Variants in DOLPP1 observed in about 807,000 individuals in gnomAD.
The protein encoded by DOLPP1 is dolichyldiphosphatase 1.
In DOLPP1, 15 loss-of-function variants were observed where a neutral mutation model predicts 34.1. The observed-to-expected ratio is 0.44, with a 90% CI of 0.29 to 0.68. DOLPP1 has a LOEUF of 0.68. DOLPP1 is among the 30% of genes least tolerant of loss of function. The pLI is 0.12. For synonymous variants in DOLPP1, 130 were observed against 128.2 expected, an observed-to-expected ratio of 1.01 and a Z score of -0.10; for missense variants, 249 against 307.1, an observed-to-expected ratio of 0.81 and a Z score of 1.41.
chr9:129,081,351 C>A (rs953794605), intron 1 of DOLPP1, 144 bp downstream of exon 1: 2 of 1,060,024 alleles, frequency 1.9e-6, no homozygotes, highest in East Asian at 3.1e-5. Flanking sequence ...GGGGCTCGGC[C>A]GGCGCGCGCG....
intron 5 of DOLPP1, 41 bp from the exon 6 acceptor site, chr9:129,086,098 C>G (rs1349760513): frequency 1.2e-6 from 2 of 1,601,968 alleles, no homozygotes; most frequent in Non-Finnish European, 1.7e-6. Flanking sequence ...GGGCCTGTGT[C>G]TGACTGGCTC....
At position 129,085,200 on chromosome 9, in the gene DOLPP1, C is replaced by T; in HGVS notation, c.263-7C>T. ...CCCGTGATGCCCTGGTCTCCTCTCT[C>T]TCCCAGGCCCCCACACAGCAGTGGG... On this transcript the variant is annotated splice_region_variant and splice_polypyrimidine_tract_variant and intron_variant, in intron 3 of 7. Coordinates refer to ENST00000372546, the MANE Select transcript of DOLPP1 (RefSeq NM_020438.5). This position sits in a 1 kb window ranked among gnomAD's most constrained non-coding sequence, Gnocchi z 7.0. The T allele has an allele frequency of 6.2e-7, 1 of 1,613,810 alleles. No individual in the cohort carries two copies. Among genetic ancestry groups the T allele is most frequent in the Non-Finnish European group, 8.5e-7 (1 of 1,179,812 alleles).
intron 7 of DOLPP1, 94 bp downstream of exon 7, chr9:129,086,892 A>G (rs1317493633): frequency 1.9e-6 from 2 of 1,052,842 alleles, no homozygotes; most frequent in African/African-American, 1.6e-5. Context: ...GCGCCTGCCT[A>G]AGCACTTCTC....
Position 129,085,099 on chromosome 9 carries a change from C to A in DOLPP1, c.254C>A (p.Pro85His). The A allele has an allele frequency of 6.3e-7, 1 of 1,599,076 alleles. No individual in the cohort carries two copies. Among genetic ancestry groups the A allele is most frequent in the South Asian group, 1.1e-5 (1 of 88,486 alleles). The change falls in exon 3 of 8, where the codon CCC becomes CAC. Residue 85 changes from proline (P) to histidine (H), a missense_variant. Transcript: ENST00000372546. This position sits in a 1 kb window ranked among gnomAD's most constrained non-coding sequence, Gnocchi z 7.0. ...LIKNVIQEPR[P>H]CGGPHTAVGT... ...AAAAACGTCATCCAGGAGCCACGGCCCTGTGGAGGTAGGGCCTCAGCTGCG... is the reference window on the plus strand; with the variant it reads ...AAAAACGTCATCCAGGAGCCACGGCACTGTGGAGGTAGGGCCTCAGCTGCG...
At position 129,082,477 on chromosome 9, in the gene DOLPP1, T is replaced by C. The variant is rs550598748; in HGVS notation, c.76+1270T>C. ...TCCTGCACTATGAAAACCAGCTGCT[T>C]TATAAGAGGAAAGCCAAAGCCTGGA... is the stretch of plus-strand genomic sequence containing the variant. On this transcript the variant is annotated intron_variant, in intron 1 of 7. Coordinates refer to ENST00000372546, the MANE Select transcript of DOLPP1 (RefSeq NM_020438.5). Among the ~76,000 whole-genome samples, 12 of 152,264 alleles carry C rather than the reference T, an allele frequency of 7.9e-5. No individual in the cohort carries two copies. The East Asian group carries it at 2.3e-3, about 29-fold the overall frequency.
intron 6 of DOLPP1, 33 bp from the exon 7 acceptor site, chr9:129,086,676 G>GTGCC: frequency 6.3e-7 from 1 of 1,597,546 alleles, no homozygotes; most frequent in Non-Finnish European, 8.6e-7. Flanking sequence ...ATGCCCTGAT[G>GTGCC]TGCCCCTGGC....
chr9:129,089,120 A>C lies in DOLPP1; in HGVS notation c.*113A>C. 9.6e-7 allele frequency: 1 copy of C among 1,046,500 alleles called. No homozygotes were observed. The allele number at this position is 1,046,500 out of a possible 1,614,324, so 64.8% of individuals were successfully genotyped here. On this transcript the variant is annotated 3_prime_UTR_variant, in exon 8 of 8. Coordinates refer to ENST00000372546, the MANE Select transcript of DOLPP1 (RefSeq NM_020438.5). This position sits in a 1 kb window ranked among gnomAD's most constrained non-coding sequence, Gnocchi z 4.9. Reference sequence around the variant, plus strand: ...AGACCTCTACAGACCCAAGTCACCAAGTGGAGCCTTTTTTTTTCTTATTTT... The same window carrying C: ...AGACCTCTACAGACCCAAGTCACCACGTGGAGCCTTTTTTTTTCTTATTTT...
Position 129,086,220 on chromosome 9 carries a change from C to G in DOLPP1, c.543C>G (p.Ile181Met), listed in dbSNP as rs765036431. 1 of 1,613,612 alleles carries G rather than the reference C, an allele frequency of 6.2e-7. No individual in the cohort carries two copies. The highest frequency in any genetic ancestry group is 8.5e-7 in the Non-Finnish European group (1 of 1,179,974). The stretch of plus-strand genomic sequence containing the variant: ...GCCTCATGGCCATCGCCTGGTTCAT[C>G]TTCACCCAGGAGGTCCTCACCCCGC... ...AGGLMAIAWF[I>M]FTQEVLTPLF... Residue 181 changes from isoleucine to methionine, a missense_variant, in exon 6 of 8, where the codon ATC becomes ATG. Ile to Met is a conservative substitution (Grantham distance 10, BLOSUM62 1). Transcript: ENST00000372546.
In DOLPP1 at chr9:129,081,149, G is replaced by A. The variant is rs1374796667; in HGVS notation, c.18G>A (p.Gln6=). Residue 6 remains glutamine (Q), a synonymous_variant, in exon 1 of 8, where the codon CAG becomes CAA. Transcript: ENST00000372546. ...CGGGTAAGATGGCAGCGGACGGACA[G>A]TGCTCGCTCCCCGCTTCATGGCGGC... MAADG[Q]CSLPASWRPV... The A allele has an allele frequency of 1.9e-6, 3 of 1,609,652 alleles. No homozygotes were observed. Among genetic ancestry groups the A allele is most frequent in the East Asian group, 4.5e-5 (2 of 44,658 alleles).
chr9:129,085,585 C>T lies in DOLPP1; in HGVS notation c.430C>T (p.Leu144Phe), dbSNP rs1588431685. The change falls in exon 5 of 8, where the codon CTC becomes TTC. Residue 144 changes from leucine to phenylalanine, a missense_variant. Physicochemically the swap from Leu to Phe is conservative, Grantham distance 22. Transcript: ENST00000372546. This position sits in a 1 kb window ranked among gnomAD's most constrained non-coding sequence, Gnocchi z 7.0. ...LWRHVLSLGLLAVAFLVSYSR... is the reference protein window; with the variant it reads ...LWRHVLSLGLFAVAFLVSYSR... The stretch of plus-strand genomic sequence containing the variant: ...GAGGCACGTGCTCTCCCTGGGACTC[C>T]TCGCTGTGGCCTTCCTAGTCTCCTA... The T allele has an allele frequency of 6.2e-7, 1 of 1,613,374 alleles. No homozygotes were observed. The highest frequency in any genetic ancestry group is 8.5e-7 in the Non-Finnish European group (1 of 1,179,826).
Position 129,081,148 on chromosome 9 carries a change from A to T in DOLPP1, c.17A>T (p.Gln6Leu), listed in dbSNP as rs1295963625. 6.2e-7 allele frequency: 1 copy of T among 1,609,418 alleles called. No individual in the cohort carries two copies. The highest frequency in any genetic ancestry group is 2.2e-5 in the East Asian group (1 of 44,630). The change falls in exon 1 of 8, where the codon CAG (glutamine) becomes CTG (leucine). Residue 6 changes from glutamine (Q) to leucine (L), a missense_variant. Physicochemically the swap from Gln to Leu is moderately radical, Grantham distance 113 (BLOSUM62 -2). Coordinates refer to ENST00000372546, the MANE Select transcript of DOLPP1 (RefSeq NM_020438.5). ...CCGGGTAAGATGGCAGCGGACGGACAGTGCTCGCTCCCCGCTTCATGGCGG... is the reference window on the plus strand; with the variant it reads ...CCGGGTAAGATGGCAGCGGACGGACTGTGCTCGCTCCCCGCTTCATGGCGG... MAADG[Q>L]CSLPASWRPV... is the part of the protein sequence containing the mutation.
chr9:129,084,058 G>A (rs774808420), intron 1 of DOLPP1, among the ~76,000 whole-genome samples: 4 of 152,266 alleles, frequency 2.6e-5, no homozygotes, highest in Non-Finnish European at 4.4e-5. Context: ...GAGAAGTGGC[G>A]CGCAGCTGTT....
In DOLPP1 at chr9:129,085,213, A is replaced by G. The variant is rs754700599; in HGVS notation, c.269A>G (p.His90Arg). ...GGTCTCCTCTCTCTCCCAGGCCCCC[A>G]CACAGCAGTGGGCACCAAGTACGGG... Reference protein sequence around the residue: ...IQEPRPCGGPHTAVGTKYGMP... With the variant: ...IQEPRPCGGPRTAVGTKYGMP... Residue 90 changes from histidine (H) to arginine (R), a missense_variant, in exon 4 of 8, where the codon CAC (histidine) becomes CGC (arginine). Transcript: ENST00000372546. The surrounding 1 kb of genome is among the most constrained non-coding windows in gnomAD (Gnocchi z 7.0). 1.9e-6 allele frequency: 3 copies of G among 1,614,002 alleles called. No individual in the cohort carries two copies. The highest frequency in any genetic ancestry group is 2.5e-6 in the Non-Finnish European group (3 of 1,179,968).
At position 129,084,860 on chromosome 9, in the gene DOLPP1, C is replaced by T. The variant is rs1188059792; in HGVS notation, c.177+92C>T. On this transcript the variant is annotated intron_variant, in intron 2 of 7. Coordinates refer to ENST00000372546, the MANE Select transcript of DOLPP1 (RefSeq NM_020438.5). ...CGTCCGCCCCTCAGTCCAGGGTTCT[C>T]ATCCCTGCGTCCACCTGTCTTGAGG... 3.6e-6 allele frequency: 4 copies of T among 1,115,286 alleles called. No homozygotes were observed. In the African/African-American group the frequency reaches 4.8e-5, roughly 13 times the overall value. 69.1% of individuals were successfully genotyped at this position (1,115,286 alleles called of 1,614,324 possible).
chr9:129,081,483 G>T (rs1188035729), intron 1 of DOLPP1, among the ~76,000 whole-genome samples: 2 of 152,172 alleles, frequency 1.3e-5, no homozygotes, highest in African/African-American at 4.8e-5. Flanking sequence ...GGCTGAAATG[G>T]GTTGAGGATC....
At chr9:129,084,449 A>G (rs1846946133) in intron 1 of DOLPP1, 2 of 643,938 alleles carry the variant, frequency 3.1e-6, no homozygotes, top group East Asian at 2.5e-5. Flanking sequence ...CTTTAAACGC[A>G]TGCTGTGTGC....
Position 129,085,115 on chromosome 9 carries a change from C to T in DOLPP1, c.262+8C>T. 6.2e-7 allele frequency: 1 copy of T among 1,602,358 alleles called. No individual in the cohort carries two copies. Among genetic ancestry groups the T allele is most frequent in the Non-Finnish European group, 8.5e-7 (1 of 1,174,028 alleles). The stretch of plus-strand genomic sequence containing the variant: ...AGCCACGGCCCTGTGGAGGTAGGGC[C>T]TCAGCTGCGAGGGCCTGAGGTTCCC... On this transcript the variant is annotated splice_region_variant and intron_variant, in intron 3 of 7. Transcript: ENST00000372546. This position sits in a 1 kb window ranked among gnomAD's most constrained non-coding sequence, Gnocchi z 7.0.
chr9:129,086,370 C>T, intron 6 of DOLPP1, 103 bp downstream of exon 6: 1 of 1,413,254 alleles, frequency 7.1e-7, no homozygotes, highest in Non-Finnish European at 9.6e-7. Context: ...CCCCTGTCTC[C>T]CTGGGAAGGC....
chr9:129,085,228 C>A lies in DOLPP1; in HGVS notation c.284C>A (p.Thr95Asn). ...PCGGPHTAVG[T>N]KYGMPSSHSQ... Reference sequence around the variant, plus strand: ...CCAGGCCCCCACACAGCAGTGGGCACCAAGTACGGGATGCCCTCCAGCCAT... The same window carrying A: ...CCAGGCCCCCACACAGCAGTGGGCAACAAGTACGGGATGCCCTCCAGCCAT... Residue 95 changes from threonine to asparagine, a missense_variant, in exon 4 of 8, where the codon ACC becomes AAC. Thr to Asn is a moderately conservative substitution (Grantham distance 65, BLOSUM62 0). Transcript: ENST00000372546. The surrounding 1 kb of genome is among the most constrained non-coding windows in gnomAD (Gnocchi z 7.0). 6.2e-7 allele frequency: 1 copy of A among 1,614,064 alleles called. No homozygotes were observed. Among genetic ancestry groups the A allele is most frequent in the Non-Finnish European group, 8.5e-7 (1 of 1,179,996 alleles).
Sources: gnomAD v4.1 joint callset for allele counts (sites outside exome capture counted in the v4.1 genomes callset) on GRCh38, gnomAD v4.1.1 for gene constraint, Gnocchi (gnomAD v3.1) non-coding constraint, MANE v1.5 for transcripts, NCBI Gene and HGNC (gene_info 2026-07-23, HGNC 2026-07-21) for gene names.